ENTPD2: variants seen among roughly 807,000 people sequenced by gnomAD.
ENTPD2 encodes CD39 antigen-like 1.
A neutral mutation model predicts 46.8 loss-of-function variants in ENTPD2; 48 were observed. That is an observed-to-expected ratio of 1.03 (90% CI 0.81 to 1.30). The LOEUF (loss-of-function observed/expected upper bound fraction) is 1.30. Among genes scored for constraint, ENTPD2 ranks in the 50% most tolerant of loss-of-function variants. The pLI is 0.00. For synonymous variants in ENTPD2, 316 were observed against 286.1 expected (o/e 1.10, Z -1.06); for missense variants, 707 against 651.1 (o/e 1.09, Z -0.93).
At chr9:137,048,908 A>C in intron 8 of ENTPD2, 33 bp downstream of exon 8, 1 of 1,478,568 alleles carries the variant, frequency 6.8e-7, no homozygotes, top group Non-Finnish European at 9.0e-7. Flanking sequence ...CCGCCCCGCA[A>C]GGTCGGCCCC....
In ENTPD2 at chr9:137,048,361, C is replaced by T; in HGVS notation, c.*296G>A. ...GGAGCTGGATTGAGCGCTCTTTGCC[C>T]ACCCAGGCTCCTGTGGGTACCAGAG... is the stretch of plus-strand genomic sequence containing the variant. On this transcript the variant is annotated 3_prime_UTR_variant, in exon 9 of 9. Transcript: ENST00000355097. 2.7e-6 allele frequency: 1 copy of T among 367,002 alleles called. No individual in the cohort carries two copies. The highest frequency in any genetic ancestry group is 5.0e-6 in the Non-Finnish European group (1 of 200,992). The allele number at this position is 367,002 out of a possible 1,614,324, so 22.7% of individuals were successfully genotyped here. A position where few individuals can be genotyped will look rare whatever the true frequency, so the allele number is the denominator to read the frequency against.
chr9:137,048,849 A>G lies in ENTPD2; in HGVS notation c.1296T>C (p.Thr432=). 8 of 1,544,044 alleles carry G rather than the reference A, an allele frequency of 5.2e-6. No homozygotes were observed. The highest frequency in any genetic ancestry group is 7.0e-6 in the Non-Finnish European group (8 of 1,146,872). The stretch of plus-strand genomic sequence containing the variant: ...TGTAGCCGAGCGCCCAGCCCACTGC[A>G]GTGTCCGCGGCCTGCGGGGAAGGGC... ...GVIFQKKAAD[T]AVGWALGYML... is the part of the protein sequence containing the mutation. The change falls in exon 9 of 9, where the codon ACT becomes ACC. Residue 432 remains threonine, a synonymous_variant. Coordinates refer to ENST00000355097, the MANE Select transcript of ENTPD2 (RefSeq NM_203468.3).
In ENTPD2 at chr9:137,050,523, G is replaced by A; in HGVS notation, c.790C>T (p.Pro264Ser). The stretch of plus-strand genomic sequence containing the variant: ...GTGGAAAAGCCCCTCGGCCAGCAGG[G>A]GTGGAAGCCGTGGGTCTGGGGGAAT... ...ASALQTHGFHPCWPRGFSTQV... is the reference protein window; with the variant it reads ...ASALQTHGFHSCWPRGFSTQV... The change falls in exon 6 of 9, where the codon CCC becomes TCC. Residue 264 changes from proline to serine, a missense_variant. By Grantham distance (74) the Pro-to-Ser change is moderately conservative. Coordinates refer to ENST00000355097, the MANE Select transcript of ENTPD2 (RefSeq NM_203468.3). 1 of 1,612,542 alleles carries A rather than the reference G, an allele frequency of 6.2e-7. No homozygotes were observed.
In ENTPD2 at chr9:137,053,968, C is replaced by T; in HGVS notation, c.30G>A (p.Pro10=). The T allele has an allele frequency of 8.2e-7, 1 of 1,221,648 alleles. No individual in the cohort carries two copies. Among genetic ancestry groups the T allele is most frequent in the Non-Finnish European group, 1.0e-6 (1 of 981,708 alleles). 75.7% of individuals were successfully genotyped at this position (1,221,648 alleles called of 1,614,324 possible). A position where few individuals can be genotyped will look rare whatever the true frequency, so the allele number is the denominator to read the frequency against. The change falls in exon 1 of 9, where the codon CCG becomes CCA. Residue 10 remains proline, a synonymous_variant. Coordinates refer to ENST00000355097, the MANE Select transcript of ENTPD2 (RefSeq NM_203468.3). ...GGCCCGCGGCGGCCAGCAGCAGCGG[C>T]GGCAGCAGTGACCGCACCTTCCCGG... MAGKVRSLL[P]PLLLAAAGLA...
At chr9:137,050,578 G>A (rs376308559) in intron 5 of ENTPD2, 40 bp from the exon 6 acceptor site, 10 of 1,597,578 alleles carry the variant, frequency 6.3e-6, no homozygotes, top group African/African-American at 2.7e-5. Context: ...CACCACCACC[G>A]CTCCAGAGGA....
Position 137,052,254 on chromosome 9 carries a change from T to G in ENTPD2, c.212A>C (p.Gln71Pro), listed in dbSNP as rs1168035200. Reference protein sequence around the residue: ...DKENDTGIVGQHSSCDVPGGG... With the variant: ...DKENDTGIVGPHSSCDVPGGG... ...ACCTGGAACATCACAGGAGCTGTGC[T>G]GGCCCACAATGCCTGTGTCGTTCTC... Residue 71 changes from glutamine to proline, a missense_variant, in exon 2 of 9, where the codon CAG becomes CCG. Transcript: ENST00000355097. 6.2e-7 allele frequency: 1 copy of G among 1,611,904 alleles called. No individual in the cohort carries two copies. The highest frequency in any genetic ancestry group is 8.5e-7 in the Non-Finnish European group (1 of 1,179,402).
chr9:137,050,494 T>G lies in ENTPD2; in HGVS notation c.819A>C (p.Gln273His). ...HPCWPRGFSTQVLLGDVYQSP... is the reference protein window; with the variant it reads ...HPCWPRGFSTHVLLGDVYQSP... ...ACTGGTACACATCCCCGAGCAGCAC[T>G]TGGGTGGAAAAGCCCCTCGGCCAGC... Residue 273 changes from glutamine to histidine, a missense_variant, in exon 6 of 9, where the codon CAA becomes CAC. Coordinates refer to ENST00000355097, the MANE Select transcript of ENTPD2 (RefSeq NM_203468.3). 6.2e-7 allele frequency: 1 copy of G among 1,612,758 alleles called. No individual in the cohort carries two copies. The highest frequency in any genetic ancestry group is 8.5e-7 in the Non-Finnish European group (1 of 1,179,966).
In ENTPD2 at chr9:137,053,926, C is replaced by T; in HGVS notation, c.72G>A (p.Leu24=). 1.6e-6 allele frequency: 2 copies of T among 1,226,212 alleles called. No individual in the cohort carries two copies. Among genetic ancestry groups the T allele is most frequent in the Non-Finnish European group, 2.0e-6 (2 of 984,368 alleles). The allele number at this position is 1,226,212 out of a possible 1,614,324, so 76.0% of individuals were successfully genotyped here. A position where few individuals can be genotyped will look rare whatever the true frequency, so the allele number is the denominator to read the frequency against. The change falls in exon 1 of 9, where the codon CTG becomes CTA. Residue 24 remains leucine, a synonymous_variant. Coordinates refer to ENST00000355097, the MANE Select transcript of ENTPD2 (RefSeq NM_203468.3). ...LAAAGLAGLL[L]LCVPTRDVRE... ...GGACGTCGCGGGTGGGGACGCACAGCAGTAGGAGGCCGGCGAGGCCCGCGG... is the reference window on the plus strand; with the variant it reads ...GGACGTCGCGGGTGGGGACGCACAGTAGTAGGAGGCCGGCGAGGCCCGCGG...
At position 137,051,137 on chromosome 9, in the gene ENTPD2, G is replaced by C. The variant is rs182051175; in HGVS notation, c.547-8C>G. Reference sequence around the variant, plus strand: ...CCGGCCCACCCAGCCGTACTGTGGAGAGGGGAGTGTGGGGTCAACCAGGGG... The same window carrying C: ...CCGGCCCACCCAGCCGTACTGTGGACAGGGGAGTGTGGGGTCAACCAGGGG... On this transcript the variant is annotated splice_region_variant and splice_polypyrimidine_tract_variant and intron_variant, in intron 4 of 8. Coordinates refer to ENST00000355097, the MANE Select transcript of ENTPD2 (RefSeq NM_203468.3). The C allele has an allele frequency of 3.8e-3, 6,164 of 1,612,780 alleles. 125 individuals carry two copies. Among genetic ancestry groups the C allele is most frequent in the South Asian group, 0.032 (2,906 of 91,080 alleles).
In ENTPD2 at chr9:137,051,065, C is replaced by T; in HGVS notation, c.611G>A (p.Gly204Asp). Residue 204 changes from glycine to aspartate, a missense_variant, in exon 5 of 9, where the codon GGT becomes GAT. Transcript: ENST00000355097. ...KGTLGAMDLG[G>D]ASTQITFETT... The stretch of plus-strand genomic sequence containing the variant: ...CTCAAAAGTGATCTGGGTAGAGGCA[C>T]CCCCCAGGTCCATGGCCCCCAGTGT... The T allele has an allele frequency of 2.5e-6, 4 of 1,612,774 alleles. No homozygotes were observed. The highest frequency in any genetic ancestry group is 3.4e-6 in the Non-Finnish European group (4 of 1,179,978).
rs985894380 is a variant in ENTPD2, at chr9:137,050,614, C to G, written c.775-76G>C. 61 of 1,538,900 alleles carry G rather than the reference C, an allele frequency of 4.0e-5. No homozygotes were observed. The Middle Eastern group carries it at 7.6e-4, about 19-fold the overall frequency. ...CCAGCCTGACAAACCTCCCACAGGT[C>G]TCACTCTGGCAACTTCACTTTTGTG... On this transcript the variant is annotated intron_variant, in intron 5 of 8. Coordinates refer to ENST00000355097, the MANE Select transcript of ENTPD2 (RefSeq NM_203468.3).
In ENTPD2 at chr9:137,050,009, A is replaced by G; in HGVS notation, c.1030-20T>C. On this transcript the variant is annotated intron_variant, in intron 6 of 8. Coordinates refer to ENST00000355097, the MANE Select transcript of ENTPD2 (RefSeq NM_203468.3). ...GAAGGCCTGTAGGGGGCGCAGTCAC[A>G]CTGTGACCGAACCCCAGCGGCTCAG... 6.2e-7 allele frequency: 1 copy of G among 1,605,898 alleles called. No homozygotes were observed. Among genetic ancestry groups the G allele is most frequent in the South Asian group, 1.1e-5 (1 of 90,490 alleles).
intron 7 of ENTPD2, chr9:137,049,396 A>G: frequency 1.7e-6 from 1 of 597,036 alleles, no homozygotes; most frequent in Non-Finnish European, 3.0e-6. Context: ...TCCAGGCCTG[A>G]GTCTGCCCGC....
rs899774753 is a variant in ENTPD2, at chr9:137,048,449, G to A, written c.*208C>T. The A allele has an allele frequency of 3.8e-6, 2 of 531,542 alleles. No homozygotes were observed. The highest frequency in any genetic ancestry group is 6.6e-6 in the Non-Finnish European group (2 of 302,504). 32.9% of individuals were successfully genotyped at this position (531,542 alleles called of 1,614,324 possible). A position where few individuals can be genotyped will look rare whatever the true frequency, so the allele number is the denominator to read the frequency against. On this transcript the variant is annotated 3_prime_UTR_variant, in exon 9 of 9. Transcript: ENST00000355097. ...GACGCTGAGGGTGGGGTGGAAGGAT[G>A]GAGAAGACAGTGGTGGGGTGGAGCG...
Position 137,051,285 on chromosome 9 carries a change from G to T in ENTPD2, c.472C>A (p.Arg158Ser), listed in dbSNP as rs752597686. Residue 158 changes from arginine (R) to serine (S), a missense_variant, in exon 4 of 9, where the codon CGC becomes AGC. Transcript: ENST00000355097. ...TQYPFDFRGA[R>S]ILSGQEEGVF... The stretch of plus-strand genomic sequence containing the variant: ...CCCTCTTCCTGGCCCGAGAGGATGC[G>T]TGCACCCCGGAAGTCAAAGGGGTAC... The T allele has an allele frequency of 4.3e-6, 7 of 1,610,998 alleles. No homozygotes were observed. The East Asian group carries it at 1.6e-4, about 36-fold the overall frequency.
At position 137,049,085 on chromosome 9, in the gene ENTPD2, G is replaced by T. The variant is rs45457700; in HGVS notation, c.1150-10C>A. On this transcript the variant is annotated splice_polypyrimidine_tract_variant and intron_variant, in intron 7 of 8. Coordinates refer to ENST00000355097, the MANE Select transcript of ENTPD2 (RefSeq NM_203468.3). ...GCACCCGAGCTTGCAGCTGGGACGC[G>T]GGCGGGACACCGTCAGGCAGGCGAC... 0.019 allele frequency: 29,127 copies of T among 1,531,572 alleles called. 340 individuals are homozygous for T. The highest frequency in any genetic ancestry group is 0.022 in the Admixed American group (1,121 of 50,142). The allele number at this position is 1,531,572 out of a possible 1,614,324, so 94.9% of individuals were successfully genotyped here. A position where few individuals can be genotyped will look rare whatever the true frequency, so the allele number is the denominator to read the frequency against.
chr9:137,049,453 C>A, intron 7 of ENTPD2: 1 of 497,894 alleles, frequency 2.0e-6, no homozygotes, highest in Non-Finnish European at 3.6e-6. Flanking sequence ...CTGTCTGAGA[C>A]TAGGCCCTGG....
In ENTPD2 at chr9:137,048,746, G is replaced by GGAC. The variant is rs762099217; in HGVS notation, c.1396_1398dup (p.Val466dup). ...AGCGCGGAGGCGAAGAGCAGCAGGA[G>GGAC]GACGACCCAGGAGCTGAAGTCTGTG... On this transcript the variant is annotated inframe_insertion, in exon 9 of 9. Coordinates refer to ENST00000355097, the MANE Select transcript of ENTPD2 (RefSeq NM_203468.3). The GGAC allele has an allele frequency of 3.4e-4, 544 of 1,603,594 alleles. No individual in the cohort carries two copies. Among genetic ancestry groups the GGAC allele is most frequent in the Non-Finnish European group, 4.1e-4 (479 of 1,175,692 alleles).
intron 1 of ENTPD2, 100 bp from the exon 2 acceptor site, chr9:137,052,448 C>T: frequency 1.1e-6 from 1 of 886,966 alleles, no homozygotes; most frequent in Non-Finnish European, 1.7e-6. Context: ...CACCGCTCCC[C>T]CCCCCACCCA....
Sources: allele counts gnomAD v4.1 joint callset, GRCh38; gene constraint gnomAD v4.1.1; transcripts MANE v1.5; gene names NCBI Gene and HGNC (gene_info 2026-07-23, HGNC 2026-07-21).